Variants in ZC3H12B observed in about 807,000 individuals in gnomAD.
The protein encoded by ZC3H12B is zinc finger CCCH-type containing 12B.
A neutral mutation model predicts 43.9 loss-of-function variants in ZC3H12B; 7 were observed. The observed-to-expected ratio is 0.16, with a 90% CI of 0.09 to 0.30. The LOEUF (loss-of-function observed/expected upper bound fraction) is 0.30. ZC3H12B is among the 10% of genes least tolerant of loss of function. The pLI is 1.00. For missense variants in ZC3H12B, 475 were observed against 670.2 expected, an observed-to-expected ratio of 0.71 and a Z score of 3.22; for synonymous variants, 222 against 241.7, an observed-to-expected ratio of 0.92 and a Z score of 0.76.
intron 3 of ZC3H12B, among the ~76,000 whole-genome samples, chrX:65,461,542 G>T (rs959495703): frequency 1.6e-4 from 18 of 112,011 alleles, no homozygotes; most frequent in African/African-American, 4.9e-4. Flanking sequence ...ATGAGTTCTT[G>T]TCCTTTGTAG....
chrX:65,347,403 A>T, the ZC3H12B span, among the ~76,000 whole-genome samples: 1 of 111,395 alleles, frequency 9.0e-6, no homozygotes, highest in Non-Finnish European at 1.9e-5. Context: ...AAAACAAACA[A>T]CCCCATCAAA....
chrX:65,193,594 A>G, the ZC3H12B span, among the ~76,000 whole-genome samples: 1 of 110,799 alleles, frequency 9.0e-6, no homozygotes, highest in African/African-American at 3.3e-5. Flanking sequence ...CCTGTCATCG[A>G]TCTTTTGTGT....
At chrX:65,353,672 G>A in the ZC3H12B span, among the ~76,000 whole-genome samples, 1 of 112,005 alleles carries the variant, frequency 8.9e-6, no homozygotes, top group Non-Finnish European at 1.9e-5. Flanking sequence ...CTAGATCAGC[G>A]GATCCCATCA....
At chrX:65,115,782 G>T in the ZC3H12B span, among the ~76,000 whole-genome samples, 1 of 111,401 alleles carries the variant, frequency 9.0e-6, no homozygotes, top group East Asian at 2.8e-4. Context: ...TTGTGATTTC[G>T]ATTTGCATCT....
chrX:65,296,880 C>A, the ZC3H12B span, among the ~76,000 whole-genome samples: 1 of 111,207 alleles, frequency 9.0e-6, no homozygotes, highest in Non-Finnish European at 1.9e-5. Flanking sequence ...TGATACACTG[C>A]ATAAACATAA....
chrX:65,170,676 A>C, the ZC3H12B span, among the ~76,000 whole-genome samples: 29 of 111,818 alleles, frequency 2.6e-4, no homozygotes, highest in South Asian at 0.01. Context: ...TACACCAATG[A>C]GACGTAGGTT....
At chrX:65,386,073 T>C (rs2066520470) in intron 2 of ZC3H12B, among the ~76,000 whole-genome samples, 1 of 112,114 alleles carries the variant, frequency 8.9e-6, no homozygotes, top group Non-Finnish European at 1.9e-5. Context: ...ATTTGTGCAT[T>C]GATATTCATC....
chrX:65,129,693 CT>C, the ZC3H12B span, among the ~76,000 whole-genome samples: 246 of 111,212 alleles, frequency 2.2e-3, 4 homozygotes, highest in Middle Eastern at 0.041. Context: ...CCTGACATTC[CT>C]GTCTTCTTGT....
chrX:65,287,410 A>G, the ZC3H12B span, among the ~76,000 whole-genome samples: 2 of 111,630 alleles, frequency 1.8e-5, no homozygotes, highest in Non-Finnish European at 3.8e-5. Context: ...GCACAGGGAA[A>G]TTAAATGTGC....
the ZC3H12B span, among the ~76,000 whole-genome samples, chrX:65,290,921 G>T: frequency 4.5e-5 from 5 of 110,980 alleles, no homozygotes; most frequent in South Asian, 3.7e-4. Flanking sequence ...TAAGATAAAA[G>T]GAATAAATTC....
chrX:65,117,392 C>A, the ZC3H12B span, among the ~76,000 whole-genome samples: 1 of 111,845 alleles, frequency 8.9e-6, no homozygotes, highest in Non-Finnish European at 1.9e-5. Context: ...CCTTCGCCCA[C>A]TTTTTGATGG....
chrX:65,440,704 G>T (rs1314813962), intron 3 of ZC3H12B, among the ~76,000 whole-genome samples: 1 of 112,402 alleles, frequency 8.9e-6, no homozygotes, highest in African/African-American at 3.2e-5. Context: ...TATAGCAGGA[G>T]AAGGCAATCC....
intron 3 of ZC3H12B, among the ~76,000 whole-genome samples, chrX:65,404,953 G>A (rs772510039): frequency 5.5e-4 from 62 of 112,152 alleles, no homozygotes; most frequent in Non-Finnish European, 1.1e-3. Context: ...CATATGATAG[G>A]TCAAAAAAGT....
intron 3 of ZC3H12B, among the ~76,000 whole-genome samples, chrX:65,450,992 G>C (rs1419902975): frequency 9.5e-6 from 1 of 105,488 alleles, no homozygotes; most frequent in East Asian, 3.0e-4. Context: ...TGTTCATCCA[G>C]GCTGAAGTGC....
At chrX:65,202,090 A>T in the ZC3H12B span, among the ~76,000 whole-genome samples, 1 of 66,006 alleles carries the variant, frequency 1.5e-5, no homozygotes, top group Admixed American at 1.7e-4. Context: ...TAATATATGT[A>T]ATATATATAT....
chrX:65,346,754 T>C, the ZC3H12B span, among the ~76,000 whole-genome samples: 1 of 112,099 alleles, frequency 8.9e-6, no homozygotes, highest in African/African-American at 3.2e-5. Flanking sequence ...ACTGCCAGAT[T>C]TTCCTTCTCT....
chrX:65,465,357 C>A (rs896436754), intron 3 of ZC3H12B, among the ~76,000 whole-genome samples: 10 of 111,212 alleles, frequency 9.0e-5, no homozygotes, highest in Non-Finnish European at 3.8e-5. Flanking sequence ...TAAAGTGCCA[C>A]TTTTTTTCTC....
the ZC3H12B span, among the ~76,000 whole-genome samples, chrX:65,204,402 T>A: frequency 8.9e-6 from 1 of 111,923 alleles, no homozygotes; most frequent in Non-Finnish European, 1.9e-5. Context: ...TAGAATTATG[T>A]GCTTTATTTT....
chrX:65,296,286 C>T, the ZC3H12B span, among the ~76,000 whole-genome samples: 1 of 110,926 alleles, frequency 9.0e-6, no homozygotes, highest in South Asian at 3.8e-4. Context: ...TGTTCTCACG[C>T]AGATGTGGGA....
Sources: gnomAD v4.1 joint callset for allele counts (sites outside exome capture counted in the v4.1 genomes callset) on GRCh38, gnomAD v4.1.1 for gene constraint, MANE v1.5 for transcripts, NCBI Gene and HGNC (gene_info 2026-07-23, HGNC 2026-07-21) for gene names.